The following GPD2 variants were observed in gnomAD, a reference collection of about 807,000 sequenced individuals.
The protein encoded by GPD2 is glycerol-3-phosphate dehydrogenase, mitochondrial.
GPD2 carries 54 observed loss-of-function variants against 82.4 expected under a neutral mutation model. That is an observed-to-expected ratio of 0.66 (90% CI 0.53 to 0.82). The LOEUF is 0.82. Among genes scored for constraint, GPD2 ranks in the 40% least tolerant of loss-of-function variants. The pLI is 0.00. For synonymous variants in GPD2, 288 were observed against 306.1 expected, an observed-to-expected ratio of 0.94 and a Z score of 0.62; for missense variants, 748 against 896.2, an observed-to-expected ratio of 0.83 and a Z score of 2.11.
chr2:156,532,236 G>T (rs549662319), intron 6 of GPD2, among the ~76,000 whole-genome samples: 3 of 152,234 alleles, frequency 2.0e-5, no homozygotes, highest in African/African-American at 7.2e-5. Flanking sequence ...TGAACACCTG[G>T]CTTCAAGTTG....
intron 9 of GPD2, among the ~76,000 whole-genome samples, chr2:156,560,113 G>A (rs983350383): frequency 2.0e-5 from 3 of 152,148 alleles, no homozygotes; most frequent in Non-Finnish European, 2.9e-5. Context: ...CAAATGCAGC[G>A]AGGATGAGAA....
Position 156,582,915 on chromosome 2 carries a change from G to T in GPD2, c.2181G>T (p.Leu727Phe). 9 of 1,612,764 alleles carry T rather than the reference G, an allele frequency of 5.6e-6. No individual in the cohort carries two copies. The highest frequency in any genetic ancestry group is 7.6e-6 in the Non-Finnish European group (9 of 1,179,038). ...CAGTGGACCGTAGTTGTGGAGGATT[G>T]TGAGTCTGGGCAGTAAATCCACAGC... ...PIPVDRSCGG[L>F] Residue 727 changes from leucine (L) to phenylalanine (F), a missense_variant, in exon 17 of 17, where the codon TTG (leucine) becomes TTT (phenylalanine). Around this residue, in one of 3 missense-constraint regions of GPD2, gnomAD observed 46 missense variants for 49.1 expected, o/e 0.94. Transcript: ENST00000438166.
chr2:156,453,269 T>G (rs900057413), intron 1 of GPD2, among the ~76,000 whole-genome samples: 2 of 152,010 alleles, frequency 1.3e-5, no homozygotes, highest in Admixed American at 1.3e-4. Context: ...TAAGGGTGCT[T>G]GGAAGGGAGA....
At chr2:156,570,413 G>A (rs957853013) in intron 12 of GPD2, among the ~76,000 whole-genome samples, 195 bp downstream of exon 12, 6 of 152,110 alleles carry the variant, frequency 3.9e-5, no homozygotes, top group African/African-American at 1.4e-4. Context: ...GATATTGATA[G>A]TGGTAATAAT....
intron 1 of GPD2, among the ~76,000 whole-genome samples, chr2:156,470,650 G>A (rs937731140): frequency 2.0e-5 from 3 of 152,194 alleles, no homozygotes; most frequent in African/African-American, 4.8e-5. Flanking sequence ...AAATTTGCTT[G>A]TGCATAGTTG....
chr2:156,525,467 A>G (rs1685572361), intron 6 of GPD2, among the ~76,000 whole-genome samples: 1 of 152,200 alleles, frequency 6.6e-6, no homozygotes, highest in Admixed American at 6.6e-5. Flanking sequence ...TTTGCTATGA[A>G]GGTTCATTGC....
rs188894109 is a variant in GPD2, at chr2:156,481,631, A to G, written c.102+5424A>G. On this transcript the variant is annotated intron_variant, in intron 2 of 16. Transcript: ENST00000438166. ...GCTCATCTGTGTTGTTGCAAATGACAGGATTTCATTCTTTTTCTTTTTTTT... is the reference window on the plus strand; with the variant it reads ...GCTCATCTGTGTTGTTGCAAATGACGGGATTTCATTCTTTTTCTTTTTTTT... 3.7e-3 allele frequency among the ~76,000 whole-genome samples: 561 copies of G among 151,292 alleles called. 14 individuals are homozygous for G. The highest frequency in any genetic ancestry group is 1.1e-3 in the Non-Finnish European group (73 of 67,844).
At chr2:156,474,291 A>G (rs1204733742) in intron 1 of GPD2, among the ~76,000 whole-genome samples, 5 of 152,228 alleles carry the variant, frequency 3.3e-5, no homozygotes, top group Admixed American at 3.3e-4. Context: ...ATAGTTATCA[A>G]CTATATTGCA....
intron 1 of GPD2, among the ~76,000 whole-genome samples, chr2:156,470,069 G>T (rs1187031590): frequency 3.3e-5 from 5 of 152,186 alleles, no homozygotes; most frequent in Non-Finnish European, 5.9e-5. Flanking sequence ...TAAACAAGGG[G>T]TGGCTTATTT....
chr2:156,562,568 CAAA>C, intron 9 of GPD2, among the ~76,000 whole-genome samples: 1 of 97,752 alleles, frequency 1.0e-5, no homozygotes. Flanking sequence ...TTGAAAGTGG[CAAA>C]CATGAAAAAA....
At chr2:156,523,797 G>T (rs922815725) in intron 6 of GPD2, among the ~76,000 whole-genome samples, 1 of 152,084 alleles carries the variant, frequency 6.6e-6, no homozygotes, top group African/African-American at 2.4e-5. Flanking sequence ...TCCCACCTTG[G>T]CCTCCCGAAG....
At chr2:156,401,086 G>A in the GPD2 span, among the ~76,000 whole-genome samples, 9 of 152,186 alleles carry the variant, frequency 5.9e-5, no homozygotes, top group Non-Finnish European at 1.0e-4. Flanking sequence ...TAAAGGCCCT[G>A]TTATTGAACT....
In GPD2 at chr2:156,512,322, G is replaced by A. The variant is rs369276284; in HGVS notation, c.497+5G>A. ...TATAATGCTTCCAGTTTACAAGTAAGCCTTTTGATATCACCTGTATGCATT... is the reference window on the plus strand; with the variant it reads ...TATAATGCTTCCAGTTTACAAGTAAACCTTTTGATATCACCTGTATGCATT... On this transcript the variant is annotated splice_donor_5th_base_variant and intron_variant, in intron 5 of 16. Coordinates refer to ENST00000438166, the MANE Select transcript of GPD2 (RefSeq NM_000408.5). The A allele has an allele frequency of 4.7e-4, 661 of 1,395,416 alleles. 4 individuals carry two copies. The Middle Eastern group carries it at 0.011, about 23-fold the overall frequency. 86.4% of individuals were successfully genotyped at this position (1,395,416 alleles called of 1,614,324 possible).
At chr2:156,510,506 CCTT>C (rs777502451) in intron 3 of GPD2, among the ~76,000 whole-genome samples, 19 of 152,198 alleles carry the variant, frequency 1.2e-4, no homozygotes, top group Non-Finnish European at 2.5e-4. Flanking sequence ...TCTCCTTTGA[CCTT>C]CTAAGTGCAC....
intron 9 of GPD2, among the ~76,000 whole-genome samples, chr2:156,559,002 A>C (rs907811664): frequency 4.6e-5 from 7 of 151,748 alleles, no homozygotes; most frequent in Non-Finnish European, 8.8e-5. Flanking sequence ...ATCATGTCTT[A>C]TTAGGGTGAA....
chr2:156,571,134 G>C lies in GPD2; in HGVS notation c.1609G>C (p.Val537Leu). The C allele has an allele frequency of 6.3e-7, 1 of 1,593,934 alleles. No individual in the cohort carries two copies. Among genetic ancestry groups the C allele is most frequent in the East Asian group, 2.2e-5 (1 of 44,768 alleles). ...VSEFPYIEAEVKYGIKEYACT... is the reference protein window; with the variant it reads ...VSEFPYIEAELKYGIKEYACT... ...TAATTTTTCTTTAATTCAAACTCAG[G>C]TGAAATATGGGATTAAGGAGTATGC... Residue 537 changes from valine (V) to leucine (L), a missense_variant and splice_region_variant, in exon 13 of 17, where the codon GTG (valine) becomes CTG (leucine). Coordinates refer to ENST00000438166, the MANE Select transcript of GPD2 (RefSeq NM_000408.5).
chr2:156,503,828 T>A (rs1009608836), intron 3 of GPD2, among the ~76,000 whole-genome samples: 4 of 152,198 alleles, frequency 2.6e-5, no homozygotes, highest in African/African-American at 9.6e-5. Context: ...GCCATTAGTA[T>A]AGTTTTTTAC....
chr2:156,534,134 A>G (rs1022309536), intron 6 of GPD2, among the ~76,000 whole-genome samples: 3 of 152,178 alleles, frequency 2.0e-5, no homozygotes, highest in South Asian at 2.1e-4. Flanking sequence ...GGAGCTAGAA[A>G]GGGGATGGAG....
chr2:156,510,110 C>T (rs759167489), intron 3 of GPD2, among the ~76,000 whole-genome samples: 1 of 152,152 alleles, frequency 6.6e-6, no homozygotes, highest in Non-Finnish European at 1.5e-5. Context: ...CATGGTTACT[C>T]TGCACAGTGT....
Sources: allele counts gnomAD v4.1 joint callset (sites outside exome capture counted in the v4.1 genomes callset), GRCh38; gene constraint gnomAD v4.1.1; regional missense constraint gnomAD v4.1.1; transcripts MANE v1.5; gene names NCBI Gene and HGNC (gene_info 2026-07-23, HGNC 2026-07-21).